The following CPA6 variants were observed in gnomAD, a reference collection of about 807,000 sequenced individuals.
CPA6 encodes carboxypeptidase A6.
In CPA6, 58 loss-of-function variants were observed where a neutral mutation model predicts 63.3. The observed-to-expected ratio is 0.92, with a 90% CI of 0.74 to 1.14. The LOEUF (loss-of-function observed/expected upper bound fraction) is 1.14. Ranked by LOEUF, CPA6 falls within the 50% of genes most tolerant of loss-of-function variation. The probability of loss-of-function intolerance (pLI) is 0.00; values close to 1 mark genes in which losing one functional copy is unlikely to be tolerated. For synonymous variants in CPA6, 185 were observed against 179.0 expected, an observed-to-expected ratio of 1.03 and a Z score of -0.27; for missense variants, 565 against 526.6, an observed-to-expected ratio of 1.07 and a Z score of -0.71.
chr8:67,710,617 T>A (rs1041117281), intron 1 of CPA6, among the ~76,000 whole-genome samples: 1 of 152,066 alleles, frequency 6.6e-6, no homozygotes, highest in Non-Finnish European at 1.5e-5. Flanking sequence ...TAATGCTGAT[T>A]AGCTGTGTCT....
chr8:67,517,452 C>T (rs1423053985), intron 3 of CPA6, among the ~76,000 whole-genome samples: 1 of 152,158 alleles, frequency 6.6e-6, no homozygotes, highest in Non-Finnish European at 1.5e-5. Flanking sequence ...TAAGATTTCC[C>T]ACAATCTGAA....
chr8:67,668,751 G>T (rs977508160), intron 1 of CPA6, among the ~76,000 whole-genome samples: 3 of 152,128 alleles, frequency 2.0e-5, no homozygotes, highest in Non-Finnish European at 4.4e-5. Context: ...TATGTATTAG[G>T]TATGCAAAAA....
chr8:67,427,965 T>A (rs1809930418), intron 10 of CPA6, 82 bp downstream of exon 10: 1 of 906,840 alleles, frequency 1.1e-6, no homozygotes, highest in African/African-American at 1.7e-5. Context: ...AGAACACACT[T>A]TCTCCCTTCT....
intron 2 of CPA6, among the ~76,000 whole-genome samples, chr8:67,521,671 G>C (rs1321538834): frequency 6.6e-6 from 1 of 152,232 alleles, no homozygotes; most frequent in Non-Finnish European, 1.5e-5. Context: ...TGGTGAGATT[G>C]TGTCCCCATT....
At chr8:67,499,057 G>T (rs76598120) in intron 6 of CPA6, among the ~76,000 whole-genome samples, 2 of 152,172 alleles carry the variant, frequency 1.3e-5, no homozygotes, top group Non-Finnish European at 2.9e-5. Flanking sequence ...ATAAAATAAT[G>T]AAGCCCAATT....
intron 1 of CPA6, among the ~76,000 whole-genome samples, chr8:67,694,127 G>C (rs1046467633): frequency 2.0e-5 from 3 of 152,188 alleles, no homozygotes; most frequent in African/African-American, 7.2e-5. Flanking sequence ...CTAGTTTTGA[G>C]TGGGGCCCAG....
intron 2 of CPA6, among the ~76,000 whole-genome samples, chr8:67,552,774 C>CAAAAAAAAAAAA (rs762395117): frequency 2.1e-3 from 44 of 20,930 alleles, no homozygotes; most frequent in East Asian, 4.6e-3. Context: ...AAGACTGTCT[C>CAAAAAAAAAAAA]AAAAAAAAAA....
chr8:67,724,457 C>T (rs1817559534), intron 1 of CPA6, among the ~76,000 whole-genome samples: 2 of 152,312 alleles, frequency 1.3e-5, no homozygotes, highest in South Asian at 4.1e-4. Context: ...AAGCTCTGTA[C>T]ACAAAACAAA....
intron 2 of CPA6, among the ~76,000 whole-genome samples, chr8:67,606,770 C>T (rs76735158): frequency 0.019 from 2,882 of 152,250 alleles, 99 homozygotes; most frequent in African/African-American, 0.064. Flanking sequence ...CTGGTTTTCT[C>T]TAGGAGGTTC....
At chr8:67,612,257 T>C (rs1355369254) in intron 2 of CPA6, among the ~76,000 whole-genome samples, 1 of 152,200 alleles carries the variant, frequency 6.6e-6, no homozygotes, top group Non-Finnish European at 1.5e-5. Context: ...TGTTCTCTCC[T>C]TGTCTGAAAG....
intron 2 of CPA6, among the ~76,000 whole-genome samples, chr8:67,616,146 C>T (rs1483707079): frequency 6.6e-6 from 1 of 152,158 alleles, no homozygotes; most frequent in African/African-American, 2.4e-5. Flanking sequence ...ACCACCAAGC[C>T]TCACCTGAGC....
At chr8:67,425,527 G>A (rs984862821) in intron 10 of CPA6, among the ~76,000 whole-genome samples, 7 of 151,790 alleles carry the variant, frequency 4.6e-5, no homozygotes, top group Admixed American at 6.6e-5. Context: ...GGCGCACACC[G>A]CCATGCCCAG....
At chr8:67,630,783 C>T (rs979169487) in intron 1 of CPA6, among the ~76,000 whole-genome samples, 2 of 152,190 alleles carry the variant, frequency 1.3e-5, no homozygotes, top group Admixed American at 6.5e-5. Flanking sequence ...GTGTGAGTTC[C>T]GGGTGGCCGC....
At chr8:67,732,019 T>C (rs1202437170) in intron 1 of CPA6, among the ~76,000 whole-genome samples, 3 of 152,308 alleles carry the variant, frequency 2.0e-5, no homozygotes, top group East Asian at 1.9e-4. Flanking sequence ...GTTGACCAGC[T>C]GGTGCCCATT....
rs1563967925 is a variant in CPA6 at position 67,475,872 on chromosome 8, TTTCTTTCTCCTTTC to T, written c.838+7882_838+7895del. ...CTTTCTTTCTTTCTTTCTTTCTTTC[TTTCTTTCTCCTTTC>T]TTTCTTTCTTTCTTTCTTTCTTTCT... On this transcript the variant is annotated intron_variant, in intron 8 of 10. Coordinates refer to ENST00000297770, the MANE Select transcript of CPA6 (RefSeq NM_020361.5). 1.3e-3 allele frequency among the ~76,000 whole-genome samples: 114 copies of T among 90,442 alleles called. 2 individuals are homozygous for T. Among genetic ancestry groups the T allele is most frequent in the African/African-American group, 4.0e-3 (89 of 22,462 alleles). The allele number at this position is 90,442 out of a possible 152,430, so 59.3% of individuals were successfully genotyped here.
At chr8:67,702,230 A>G (rs1052810989) in intron 1 of CPA6, among the ~76,000 whole-genome samples, 3 of 152,050 alleles carry the variant, frequency 2.0e-5, no homozygotes, top group African/African-American at 7.2e-5. Flanking sequence ...AATTTAAATA[A>G]TTTCTCAAGT....
intron 2 of CPA6, among the ~76,000 whole-genome samples, chr8:67,581,011 T>C (rs956918013): frequency 3.6e-4 from 54 of 152,066 alleles, no homozygotes; most frequent in Admixed American, 1.3e-4. Context: ...CCGAGTGGGA[T>C]GATGATTTCT....
At chr8:67,613,733 A>G (rs1463685396) in intron 2 of CPA6, among the ~76,000 whole-genome samples, 1 of 152,200 alleles carries the variant, frequency 6.6e-6, no homozygotes, top group Non-Finnish European at 1.5e-5. Context: ...AAGCCTGTAT[A>G]CCCATGGCCC....
At chr8:67,531,745 C>G (rs1812481762) in intron 2 of CPA6, among the ~76,000 whole-genome samples, 1 of 152,082 alleles carries the variant, frequency 6.6e-6, no homozygotes, top group African/African-American at 2.4e-5. Flanking sequence ...ATCTCAGCAA[C>G]TGAAAGTCTA....
Sources: gnomAD v4.1 joint callset for allele counts (sites outside exome capture counted in the v4.1 genomes callset) on GRCh38, gnomAD v4.1.1 for gene constraint, MANE v1.5 for transcripts, NCBI Gene and HGNC (gene_info 2026-07-23, HGNC 2026-07-21) for gene names.